SLC9A9: variants seen among roughly 807,000 people sequenced by gnomAD.
The protein encoded by SLC9A9 is solute carrier family 9 member A9.
SLC9A9 carries 62 observed loss-of-function variants against 77.8 expected under a neutral mutation model. The ratio of observed to expected loss-of-function variants is 0.80; its 90% CI spans 0.65 to 0.98. The LOEUF (loss-of-function observed/expected upper bound fraction) is 0.98. SLC9A9 is among the 50% of genes least tolerant of loss of function. The pLI is 0.00. For synonymous variants in SLC9A9, 320 were observed against 283.5 expected, an observed-to-expected ratio of 1.13 and a Z score of -1.29; for missense variants, 775 against 774.9, an observed-to-expected ratio of 1.00 and a Z score of 0.00.
At chr3:143,641,073 A>T (rs574871324) in intron 6 of SLC9A9, among the ~76,000 whole-genome samples, 7 of 152,162 alleles carry the variant, frequency 4.6e-5, no homozygotes, top group Non-Finnish European at 8.8e-5. Context: ...TGTAAATCTG[A>T]CAATATGAGA....
At chr3:143,739,448 G>A (rs1045811511) in intron 4 of SLC9A9, among the ~76,000 whole-genome samples, 29 of 152,262 alleles carry the variant, frequency 1.9e-4, no homozygotes, top group African/African-American at 6.0e-4. Context: ...AAGTGTTAGC[G>A]CTGAGGTTTG....
At chr3:143,601,389 T>A (rs916672830) in intron 6 of SLC9A9, among the ~76,000 whole-genome samples, 84 of 152,344 alleles carry the variant, frequency 5.5e-4, no homozygotes, top group African/African-American at 1.9e-3. Context: ...CTCATCTGCA[T>A]TTCTTCATAT....
intron 14 of SLC9A9, among the ~76,000 whole-genome samples, chr3:143,271,818 T>G (rs1202182644): frequency 6.6e-6 from 1 of 152,220 alleles, no homozygotes; most frequent in African/African-American, 2.4e-5. Context: ...AGGTATACTC[T>G]CTGTGGCTGT....
intron 1 of SLC9A9, among the ~76,000 whole-genome samples, chr3:143,842,538 T>G (rs1473907866): frequency 6.6e-6 from 1 of 152,208 alleles, no homozygotes; most frequent in Non-Finnish European, 1.5e-5. Context: ...AAAATCAAGT[T>G]TTTTACACCA....
chr3:143,437,656 T>C (rs1351520013), intron 12 of SLC9A9, among the ~76,000 whole-genome samples: 1 of 152,238 alleles, frequency 6.6e-6, no homozygotes, highest in African/African-American at 2.4e-5. Context: ...AGTTAAATGA[T>C]GGGAGACATG....
chr3:143,810,956 C>T (rs1338548212), intron 2 of SLC9A9, among the ~76,000 whole-genome samples: 1 of 151,840 alleles, frequency 6.6e-6, no homozygotes, highest in African/African-American at 2.4e-5. Flanking sequence ...CTTGCTGATC[C>T]CCCAGGAAAT....
chr3:143,315,878 A>G (rs1421896493), intron 14 of SLC9A9, among the ~76,000 whole-genome samples: 1 of 152,236 alleles, frequency 6.6e-6, no homozygotes, highest in Non-Finnish European at 1.5e-5. Flanking sequence ...AGAGCAGAGA[A>G]AGAAACATGG....
chr3:143,397,061 TACTTA>T (rs1488534502), intron 12 of SLC9A9, among the ~76,000 whole-genome samples: 1 of 152,214 alleles, frequency 6.6e-6, no homozygotes, highest in East Asian at 1.9e-4. Context: ...GAGTTTGAAG[TACTTA>T]GCTCTGCCAA....
chr3:143,642,396 T>C (rs2038638986), intron 6 of SLC9A9, among the ~76,000 whole-genome samples: 1 of 152,188 alleles, frequency 6.6e-6, no homozygotes, highest in African/African-American at 2.4e-5. Flanking sequence ...AAATATCTTA[T>C]AAAGCTGTTC....
rs200214958 is a variant in SLC9A9, at chr3:143,574,084, T to A, written c.1000+4A>T. The A allele has an allele frequency of 5.5e-5, 88 of 1,612,494 alleles. No homozygotes were observed. The highest frequency in any genetic ancestry group is 2.5e-4 in the Admixed American group (15 of 59,966). On this transcript the variant is annotated splice_donor_region_variant and intron_variant, in intron 8 of 15. Transcript: ENST00000316549. Reference sequence around the variant, plus strand: ...CAGTTGGCTGTGCAGCATGAAGCACTGACCTGTTAGGCCGGCAGCCTCGGC... The same window carrying A: ...CAGTTGGCTGTGCAGCATGAAGCACAGACCTGTTAGGCCGGCAGCCTCGGC...
chr3:143,601,253 G>T (rs2037840790), intron 6 of SLC9A9, among the ~76,000 whole-genome samples: 1 of 152,088 alleles, frequency 6.6e-6, no homozygotes, highest in Non-Finnish European at 1.5e-5. Context: ...AAGGACTCAG[G>T]GAGATAGGCA....
intron 5 of SLC9A9, among the ~76,000 whole-genome samples, chr3:143,666,356 T>C (rs2039068584): frequency 6.6e-6 from 1 of 152,188 alleles, no homozygotes; most frequent in Non-Finnish European, 1.5e-5. Flanking sequence ...GAGCTATGTA[T>C]GACAAACCCA....
At chr3:143,654,887 A>G (rs1053062726) in intron 5 of SLC9A9, among the ~76,000 whole-genome samples, 2 of 152,204 alleles carry the variant, frequency 1.3e-5, no homozygotes, top group African/African-American at 4.8e-5. Flanking sequence ...TTTTAAGAGG[A>G]AAGGCTTTTA....
chr3:143,533,047 C>A (rs2036538517), intron 9 of SLC9A9, among the ~76,000 whole-genome samples: 1 of 152,206 alleles, frequency 6.6e-6, no homozygotes, highest in South Asian at 2.1e-4. Flanking sequence ...GAGCAGGGCC[C>A]ATGGAGGTTT....
At chr3:143,813,567 G>A (rs2008925654) in intron 2 of SLC9A9, among the ~76,000 whole-genome samples, 1 of 152,180 alleles carries the variant, frequency 6.6e-6, no homozygotes, top group Non-Finnish European at 1.5e-5. Flanking sequence ...TGTAAGAGCA[G>A]AGCCCAGCAT....
intron 12 of SLC9A9, among the ~76,000 whole-genome samples, chr3:143,448,340 A>T (rs780012310): frequency 6.6e-6 from 1 of 152,182 alleles, no homozygotes; most frequent in Non-Finnish European, 1.5e-5. Flanking sequence ...ATTGGCGAAT[A>T]CTGAGTCTGG....
intron 4 of SLC9A9, among the ~76,000 whole-genome samples, chr3:143,736,670 A>G (rs1423351813): frequency 6.6e-6 from 1 of 152,186 alleles, no homozygotes; most frequent in African/African-American, 2.4e-5. Flanking sequence ...CTTAGTTCTC[A>G]TAATGTTCAA....
At chr3:143,802,614 C>T (rs979287397) in intron 2 of SLC9A9, among the ~76,000 whole-genome samples, 1 of 152,194 alleles carries the variant, frequency 6.6e-6, no homozygotes, top group African/African-American at 2.4e-5. Flanking sequence ...CACCTCTATA[C>T]AGTCCGATAA....
intron 4 of SLC9A9, among the ~76,000 whole-genome samples, chr3:143,732,349 T>A (rs1319901912): frequency 1.3e-5 from 2 of 152,268 alleles, no homozygotes; most frequent in African/African-American, 4.8e-5. Context: ...GTTTAATCTA[T>A]GATCTAATCA....
Sources: gnomAD v4.1 joint callset for allele counts (sites outside exome capture counted in the v4.1 genomes callset) on GRCh38, gnomAD v4.1.1 for gene constraint, MANE v1.5 for transcripts, NCBI Gene and HGNC (gene_info 2026-07-23, HGNC 2026-07-21) for gene names.